Variants in MMP7 observed in about 807,000 individuals in gnomAD.
MMP7 encodes the protein matrix metallopeptidase 7.
MMP7 carries 26 observed loss-of-function variants against 31.5 expected under a neutral mutation model. The ratio of observed to expected loss-of-function variants is 0.83; its 90% CI spans 0.61 to 1.15. The LOEUF (loss-of-function observed/expected upper bound fraction) is 1.15. Ranked by LOEUF, MMP7 falls within the 50% of genes most tolerant of loss-of-function variation. The pLI is 0.00. For synonymous variants in MMP7, 142 were observed against 124.2 expected (o/e 1.14, Z -0.95); for missense variants, 367 against 326.5 (o/e 1.12, Z -0.96).
At chr11:102,525,355 T>C (rs1858658245) in intron 3 of MMP7, among the ~76,000 whole-genome samples, 1 of 151,760 alleles carries the variant, frequency 6.6e-6, no homozygotes, top group Non-Finnish European at 1.5e-5. Context: ...GGCTGGAGAA[T>C]TGCTTGAACT....
Position 102,525,035 on chromosome 11 carries a change from G to C in MMP7, c.514C>G (p.Pro172Ala). ...AAGGCATGAGCCAGCGTGTTTCCTGGCCCATCAAATGGGTAGGAGTCCCCA... is the reference window on the plus strand; with the variant it reads ...AAGGCATGAGCCAGCGTGTTTCCTGCCCCATCAAATGGGTAGGAGTCCCCA... ...AHGDSYPFDG[P>A]GNTLAHAFAP... is the part of the protein sequence containing the mutation. The change falls in exon 4 of 6, where the codon CCA becomes GCA. Residue 172 changes from proline (P) to alanine (A), a missense_variant. Transcript: ENST00000260227. The C allele has an allele frequency of 6.2e-7, 1 of 1,612,896 alleles. No homozygotes were observed. Among genetic ancestry groups the C allele is most frequent in the Non-Finnish European group, 8.5e-7 (1 of 1,179,534 alleles).
At position 102,530,708 on chromosome 11, in the gene MMP7, G is replaced by A. The variant is rs757076444; in HGVS notation, c.-8C>T. The A allele has an allele frequency of 2.5e-5, 40 of 1,611,542 alleles. No homozygotes were observed. Among genetic ancestry groups the A allele is most frequent in the Middle Eastern group, 1.6e-4 (1 of 6,076 alleles). ...CAGCACGGTGAGTCGCATAGCTGCC[G>A]TCCAGAGACAATTGTTCTTGGACCT... On this transcript the variant is annotated 5_prime_UTR_variant, in exon 1 of 6. The change creates a new upstream start codon in the 5' untranslated region. Coordinates refer to ENST00000260227, the MANE Select transcript of MMP7 (RefSeq NM_002423.5).
Position 102,530,583 on chromosome 11 carries a change from T to C in MMP7, c.108+10A>G, listed in dbSNP as rs1858723681. ...AGAATGGAACCCTAAGTAAGTGGGC[T>C]GTGACATACCTGAGCCTGTTCCCAC... On this transcript the variant is annotated intron_variant, in intron 1 of 5. Transcript: ENST00000260227. 3 of 1,606,974 alleles carry C rather than the reference T, an allele frequency of 1.9e-6. No homozygotes were observed. The highest frequency in any genetic ancestry group is 1.1e-5 in the South Asian group (1 of 90,894).
chr11:102,522,060 T>C (rs1591591459), intron 5 of MMP7, among the ~76,000 whole-genome samples: 1 of 152,216 alleles, frequency 6.6e-6, no homozygotes, highest in East Asian at 1.9e-4. Context: ...AAACATTTGT[T>C]CAATACTCCA....
At chr11:102,521,280 C>T (rs751536242) in intron 5 of MMP7, among the ~76,000 whole-genome samples, 6 of 152,188 alleles carry the variant, frequency 3.9e-5, no homozygotes, top group Non-Finnish European at 8.8e-5. Context: ...TCACTGCAAC[C>T]TCTGCCTCCT....
chr11:102,528,851 A>G (rs1858702199), intron 1 of MMP7, among the ~76,000 whole-genome samples: 1 of 152,232 alleles, frequency 6.6e-6, no homozygotes, highest in Admixed American at 6.5e-5. Context: ...AACATTTTTA[A>G]GCACTTACTA....
chr11:102,530,490 A>T, intron 1 of MMP7, 103 bp downstream of exon 1: 1 of 912,732 alleles, frequency 1.1e-6, no homozygotes, highest in Non-Finnish European at 1.8e-6. Flanking sequence ...CCCAAAGAAA[A>T]TTCCACTGCA....
chr11:102,527,412 C>G, intron 3 of MMP7, 112 bp downstream of exon 3: 1 of 1,272,544 alleles, frequency 7.9e-7, no homozygotes. Flanking sequence ...AACTATCTAT[C>G]TACCAATCAT....
At chr11:102,529,126 G>A (rs1405202004) in intron 1 of MMP7, among the ~76,000 whole-genome samples, 3 of 152,154 alleles carry the variant, frequency 2.0e-5, no homozygotes, top group East Asian at 3.8e-4. Context: ...TCACTAATTT[G>A]CAGTTTATTT....
chr11:102,521,313 T>G (rs1398041448), intron 5 of MMP7, among the ~76,000 whole-genome samples: 1 of 152,176 alleles, frequency 6.6e-6, no homozygotes, highest in East Asian at 1.9e-4. Flanking sequence ...TTCTCATGCT[T>G]CAGCCTCCTG....
At chr11:102,522,589 T>G (rs1329385728) in intron 5 of MMP7, among the ~76,000 whole-genome samples, 1 of 152,224 alleles carries the variant, frequency 6.6e-6, no homozygotes, top group African/African-American at 2.4e-5. Flanking sequence ...ACTTTCCTTA[T>G]CTTTATCCAG....
intron 1 of MMP7, among the ~76,000 whole-genome samples, chr11:102,530,247 G>A (rs773761724): frequency 3.9e-5 from 6 of 152,150 alleles, no homozygotes; most frequent in Admixed American, 2.0e-4. Context: ...TTTAAACAAT[G>A]TTTCAGGTAT....
chr11:102,527,706 T>C (rs1328777958), intron 2 of MMP7, 34 bp from the exon 3 acceptor site: 1 of 1,613,468 alleles, frequency 6.2e-7, no homozygotes, highest in South Asian at 1.1e-5. Flanking sequence ...GTTTGACCCC[T>C]AGGAAACAGG....
chr11:102,525,012 G>A lies in MMP7; in HGVS notation c.537C>T (p.Ala179=). 6.2e-7 allele frequency: 1 copy of A among 1,614,012 alleles called. No homozygotes were observed. Among genetic ancestry groups the A allele is most frequent in the Non-Finnish European group, 8.5e-7 (1 of 1,179,964 alleles). ...CTCCGAGACCTGTCCCAGGCGCAAA[G>A]GCATGAGCCAGCGTGTTTCCTGGCC... ...FDGPGNTLAH[A]FAPGTGLGGD... is the part of the protein sequence containing the mutation. The change falls in exon 4 of 6, where the codon GCC becomes GCT. Residue 179 remains alanine (A), a synonymous_variant. Transcript: ENST00000260227.
intron 4 of MMP7, among the ~76,000 whole-genome samples, chr11:102,524,060 T>TGC: frequency 6.6e-6 from 1 of 152,204 alleles, no homozygotes; most frequent in Non-Finnish European, 1.5e-5. Context: ...ATGTGGAAGG[T>TGC]GTGAGCCCGT....
At chr11:102,528,095 G>T in intron 1 of MMP7, 112 bp from the exon 2 acceptor site, 1 of 770,222 alleles carries the variant, frequency 1.3e-6, no homozygotes, top group Non-Finnish European at 2.0e-6. Context: ...ATGATTTGAA[G>T]ACAGAATAAT....
chr11:102,522,711 G>C (rs964434472), intron 5 of MMP7, among the ~76,000 whole-genome samples: 1 of 152,174 alleles, frequency 6.6e-6, no homozygotes, highest in Non-Finnish European at 1.5e-5. Flanking sequence ...TTTGGAACTT[G>C]ATTAAACCAA....
chr11:102,527,657 A>G lies in MMP7; in HGVS notation c.351T>C (p.Thr117=). 6.2e-7 allele frequency: 1 copy of G among 1,614,166 alleles called. No individual in the cohort carries two copies. The highest frequency in any genetic ancestry group is 1.1e-5 in the South Asian group (1 of 91,080). ...CCACTGTAATATGCGGTAAGTCTCG[A>G]GTATATGATACGATCCTAGTAGCAA... ...KVVTYRIVSY[T]RDLPHITVDR... Residue 117 remains threonine, a synonymous_variant, in exon 3 of 6, where the codon ACT becomes ACC. Coordinates refer to ENST00000260227, the MANE Select transcript of MMP7 (RefSeq NM_002423.5).
intron 1 of MMP7, among the ~76,000 whole-genome samples, chr11:102,530,052 C>T (rs908914342): frequency 4.6e-5 from 7 of 152,106 alleles, no homozygotes; most frequent in Admixed American, 2.0e-4. Context: ...AATGCCTTGT[C>T]TATTGTCATT....
Sources: gnomAD v4.1 joint callset for allele counts (sites outside exome capture counted in the v4.1 genomes callset) on GRCh38, gnomAD v4.1.1 for gene constraint, MANE v1.5 for transcripts, NCBI Gene and HGNC (gene_info 2026-07-23, HGNC 2026-07-21) for gene names.